Variants in PLD5 observed in about 807,000 individuals in gnomAD.
The protein encoded by PLD5 is inactive phospholipase D5.
In PLD5, 36 loss-of-function variants were observed where a neutral mutation model predicts 61.1. That is an observed-to-expected ratio of 0.59 (90% CI 0.45 to 0.78). PLD5 has a LOEUF of 0.78. Ranked by LOEUF, PLD5 falls within the 30% of genes least tolerant of loss-of-function variation. The pLI, the probability that PLD5 is intolerant of heterozygous loss-of-function variation, is 0.00. For missense variants in PLD5, 515 were observed against 644.4 expected (o/e 0.80, Z 2.17); for synonymous variants, 243 against 242.8 (o/e 1.00, Z -0.01).
At chr1:242,165,997 A>G (rs1666277708) in intron 5 of PLD5, among the ~76,000 whole-genome samples, 1 of 152,140 alleles carries the variant, frequency 6.6e-6, no homozygotes, top group African/African-American at 2.4e-5. Context: ...CCCGCACCAC[A>G]CCCTGACCCA....
At chr1:242,331,223 G>GTT (rs1659149635) in intron 2 of PLD5, among the ~76,000 whole-genome samples, 1 of 152,194 alleles carries the variant, frequency 6.6e-6, no homozygotes, top group South Asian at 2.1e-4. Flanking sequence ...AGAGACGACA[G>GTT]TTTAGCGTGC....
chr1:242,431,915 T>C (rs1665739986), intron 1 of PLD5, among the ~76,000 whole-genome samples: 1 of 152,186 alleles, frequency 6.6e-6, no homozygotes, highest in Non-Finnish European at 1.5e-5. Context: ...ATCCTAATCC[T>C]ACCGTAAGAG....
At chr1:242,415,016 C>T (rs7531810) in intron 1 of PLD5, among the ~76,000 whole-genome samples, 66,697 of 152,062 alleles carry the variant, frequency 0.44, 16,178 homozygotes, top group African/African-American at 0.66. Flanking sequence ...ATTTCATTCC[C>T]ATATGAGAAA....
intron 1 of PLD5, among the ~76,000 whole-genome samples, chr1:242,386,783 A>T (rs10754764): frequency 0.83 from 125,999 of 152,198 alleles, 53,412 homozygotes; most frequent in Non-Finnish European, 0.93. Flanking sequence ...TTGAATATAG[A>T]CTGAATATTA....
chr1:242,169,241 G>C (rs879874629), intron 5 of PLD5, among the ~76,000 whole-genome samples: 5 of 152,158 alleles, frequency 3.3e-5, no homozygotes, highest in Non-Finnish European at 5.9e-5. Context: ...TGAGGTACCA[G>C]GTTCATCTCA....
At chr1:242,221,210 T>C (rs1670565711) in intron 4 of PLD5, among the ~76,000 whole-genome samples, 1 of 152,236 alleles carries the variant, frequency 6.6e-6, no homozygotes, top group South Asian at 2.1e-4. Context: ...CAAATGCATT[T>C]ACAAACCTCT....
chr1:242,498,689 A>G (rs1381877355), intron 1 of PLD5, among the ~76,000 whole-genome samples: 1 of 152,132 alleles, frequency 6.6e-6, no homozygotes, highest in East Asian at 1.9e-4. Context: ...AATGTTCCTA[A>G]CTAAAATGGC....
chr1:242,214,232 A>T (rs1286815077), intron 5 of PLD5, among the ~76,000 whole-genome samples: 1 of 152,208 alleles, frequency 6.6e-6, no homozygotes, highest in African/African-American at 2.4e-5. Context: ...GGTGGAGACC[A>T]CATAATTCCA....
chr1:242,389,958 T>C (rs1662829190), intron 1 of PLD5, among the ~76,000 whole-genome samples: 1 of 151,912 alleles, frequency 6.6e-6, no homozygotes, highest in Non-Finnish European at 1.5e-5. Context: ...TATTTACTAT[T>C]GCCAGAGTGT....
At chr1:242,387,746 A>T (rs1198092931) in intron 1 of PLD5, among the ~76,000 whole-genome samples, 2 of 148,926 alleles carry the variant, frequency 1.3e-5, no homozygotes, top group African/African-American at 4.9e-5. Context: ...TTTATATATG[A>T]TATATATCAA....
chr1:242,366,412 C>T (rs1661343179), intron 1 of PLD5, among the ~76,000 whole-genome samples: 1 of 152,140 alleles, frequency 6.6e-6, no homozygotes, highest in South Asian at 2.1e-4. Context: ...CTAAAGTGAT[C>T]TCAATGGCAC....
chr1:242,376,832 A>T, intron 1 of PLD5: 1 of 1,337,506 alleles, frequency 7.5e-7, no homozygotes, highest in Non-Finnish European at 1.0e-6. Context: ...CAGTACTGTT[A>T]ATTCTATTAT....
chr1:242,300,469 AGAAAGAAAGAAGAAG>A (rs1675971043), intron 2 of PLD5, among the ~76,000 whole-genome samples: 1 of 149,032 alleles, frequency 6.7e-6, no homozygotes, highest in Non-Finnish European at 1.5e-5. Flanking sequence ...AAAGAAAGAA[AGAAAGAAAGAAGAAG>A]AAATCAAGGC....
At chr1:242,388,105 C>A (rs531386012) in intron 1 of PLD5, among the ~76,000 whole-genome samples, 4 of 152,124 alleles carry the variant, frequency 2.6e-5, no homozygotes, top group African/African-American at 9.7e-5. Flanking sequence ...TCAGATTTAA[C>A]GTTGGAAACA....
intron 4 of PLD5, among the ~76,000 whole-genome samples, chr1:242,221,648 T>G (rs1670594400): frequency 6.6e-6 from 1 of 152,134 alleles, no homozygotes; most frequent in South Asian, 2.1e-4. Flanking sequence ...GTCTTCCAAG[T>G]GGCGGGCACA....
chr1:242,355,126 G>A (rs1287360711), intron 1 of PLD5, among the ~76,000 whole-genome samples: 1 of 152,152 alleles, frequency 6.6e-6, no homozygotes, highest in Non-Finnish European at 1.5e-5. Context: ...TAGGGGTAAT[G>A]CTGACTTTGT....
At chr1:242,192,468 C>T (rs1668345687) in intron 5 of PLD5, among the ~76,000 whole-genome samples, 2 of 152,114 alleles carry the variant, frequency 1.3e-5, no homozygotes, top group South Asian at 4.2e-4. Context: ...AATTTAAACC[C>T]TTCATTGCAC....
intron 4 of PLD5, among the ~76,000 whole-genome samples, chr1:242,233,835 G>A (rs928331320): frequency 6.6e-6 from 1 of 152,086 alleles, no homozygotes; most frequent in Non-Finnish European, 1.5e-5. Flanking sequence ...TCTCTGTCTC[G>A]GAATAACTGA....
At chr1:242,322,241 G>A (rs1398773539) in intron 2 of PLD5, among the ~76,000 whole-genome samples, 2 of 152,146 alleles carry the variant, frequency 1.3e-5, no homozygotes, top group South Asian at 2.1e-4. Flanking sequence ...TCTAATGTAC[G>A]TTTGTTCACT....
Sources: allele counts gnomAD v4.1 joint callset (sites outside exome capture counted in the v4.1 genomes callset), GRCh38; gene constraint gnomAD v4.1.1; transcripts MANE v1.5; gene names NCBI Gene and HGNC (gene_info 2026-07-23, HGNC 2026-07-21).